Variants in EXOSC2 observed in about 807,000 individuals in gnomAD.
The protein encoded by EXOSC2 is exosome component 2.
In EXOSC2, 29 loss-of-function variants were observed where a neutral mutation model predicts 37.6. The ratio of observed to expected loss-of-function variants is 0.77; its 90% CI spans 0.57 to 1.05. The LOEUF (loss-of-function observed/expected upper bound fraction) is 1.05. Ranked by LOEUF, EXOSC2 falls within the 50% of genes least tolerant of loss-of-function variation. The pLI, the probability that EXOSC2 is intolerant of heterozygous loss-of-function variation, is 0.00. For missense variants in EXOSC2, 346 were observed against 365.6 expected, an observed-to-expected ratio of 0.95 and a Z score of 0.44; for synonymous variants, 119 against 131.1, an observed-to-expected ratio of 0.91 and a Z score of 0.63.
At chr9:130,700,743 T>G (rs1831197835) in intron 5 of EXOSC2, 124 bp from the exon 6 acceptor site, 2 of 761,400 alleles carry the variant, frequency 2.6e-6, no homozygotes, top group Non-Finnish European at 4.5e-6. Flanking sequence ...GGTCAAAGAT[T>G]GTTGAGCCTG....
rs778808279 is a variant in EXOSC2 at position 130,693,917 on chromosome 9, C to T, written c.122+4C>T. The T allele has an allele frequency of 8.5e-5, 136 of 1,598,514 alleles. No homozygotes were observed. In the South Asian group the frequency reaches 1.4e-3, roughly 17 times the overall value. Reference sequence around the variant, plus strand: ...CTACGGACACAGGATTCATGCGGTACGTGGGGACTTGGGGGAGTCGAGGCT... The same window carrying T: ...CTACGGACACAGGATTCATGCGGTATGTGGGGACTTGGGGGAGTCGAGGCT... On this transcript the variant is annotated splice_donor_region_variant and intron_variant, in intron 1 of 8. Coordinates refer to ENST00000372358, the MANE Select transcript of EXOSC2 (RefSeq NM_014285.7).
chr9:130,700,687 T>C lies in EXOSC2; in HGVS notation c.427-180T>C, dbSNP rs565246390. ...TGTCTGTATTTTTAAAAAAAAGATA[T>C]TCATGACAACCAAGGGGAGAGGTAA... On this transcript the variant is annotated intron_variant, in intron 5 of 8. Coordinates refer to ENST00000372358, the MANE Select transcript of EXOSC2 (RefSeq NM_014285.7). Among the ~76,000 whole-genome samples, 6 of 152,086 alleles carry C rather than the reference T, an allele frequency of 3.9e-5. No homozygotes were observed. The South Asian group carries it at 1.2e-3, about 32-fold the overall frequency.
chr9:130,699,993 C>G (rs999737276), intron 5 of EXOSC2, among the ~76,000 whole-genome samples: 1 of 152,078 alleles, frequency 6.6e-6, no homozygotes, highest in Non-Finnish European at 1.5e-5. Context: ...GGTGACAGAA[C>G]AAGACTCTGT....
In EXOSC2 at chr9:130,703,885, TTGACGGCCCTG is replaced by T. The variant is rs1831272072; in HGVS notation, c.*120_*130del. On this transcript the variant is annotated 3_prime_UTR_variant, in exon 9 of 9. Transcript: ENST00000372358. ...TCGAGAGATCATCCCTTTGTCTGCA[TTGACGGCCCTG>T]TGACGGCCTCCAGCCCACAGGCCTG... is the stretch of plus-strand genomic sequence containing the variant. The T allele has an allele frequency of 2.3e-6, 2 of 874,172 alleles. No individual in the cohort carries two copies. The highest frequency in any genetic ancestry group is 1.8e-6 in the Non-Finnish European group (1 of 570,398). 54.2% of individuals were successfully genotyped at this position (874,172 alleles called of 1,614,324 possible).
At chr9:130,702,668 C>G (rs1481730575) in intron 7 of EXOSC2, among the ~76,000 whole-genome samples, 1 of 152,128 alleles carries the variant, frequency 6.6e-6, no homozygotes, top group Non-Finnish European at 1.5e-5. Flanking sequence ...CATCTCGGCT[C>G]ACTGCAAGCT....
intron 6 of EXOSC2, chr9:130,701,321 C>A (rs1322839289): frequency 2.7e-5 from 5 of 185,640 alleles, no homozygotes; most frequent in Non-Finnish European, 4.5e-5. Flanking sequence ...CTTAGACAAA[C>A]GTCCAATCAG....
intron 6 of EXOSC2, 152 bp downstream of exon 6, chr9:130,701,087 C>T (rs371719854): frequency 1.3e-5 from 9 of 687,518 alleles, no homozygotes; most frequent in Middle Eastern, 2.5e-4. Flanking sequence ...GTTCCTTAAA[C>T]GTAACATCAG....
At position 130,697,636 on chromosome 9, in the gene EXOSC2, G is replaced by A. The variant is rs368161060; in HGVS notation, c.270+9G>A. ...TGGGACGAATCACAGAGGTAACGTC[G>A]ATATCAGATTGGTGTTTACAAAGTC... On this transcript the variant is annotated intron_variant, in intron 3 of 8. Transcript: ENST00000372358. 3.8e-5 allele frequency: 61 copies of A among 1,613,540 alleles called. No homozygotes were observed. In the African/African-American group the frequency reaches 6.1e-4, roughly 16 times the overall value.
At chr9:130,695,447 C>T (rs373490705) in intron 1 of EXOSC2, 45 bp from the exon 2 acceptor site, 63 of 1,533,876 alleles carry the variant, frequency 4.1e-5, no homozygotes, top group Non-Finnish European at 2.1e-5. Flanking sequence ...GAAGTCATTT[C>T]GAGTTACCCT....
At chr9:130,699,295 G>A in intron 4 of EXOSC2, 34 bp from the exon 5 acceptor site, 1 of 1,608,190 alleles carries the variant, frequency 6.2e-7, no homozygotes, top group Non-Finnish European at 8.5e-7. Flanking sequence ...CTGAGGATCT[G>A]GCTTAAGTAA....
rs1316243690 is a variant in EXOSC2 at position 130,694,202 on chromosome 9, G to C, written c.122+289G>C. Among the ~76,000 whole-genome samples the C allele has an allele frequency of 1.3e-5, 2 of 152,092 alleles. No individual in the cohort carries two copies. Among genetic ancestry groups the C allele is most frequent in the African/African-American group, 4.8e-5 (2 of 41,408 alleles). On this transcript the variant is annotated intron_variant, in intron 1 of 8. Coordinates refer to ENST00000372358, the MANE Select transcript of EXOSC2 (RefSeq NM_014285.7). The surrounding 1 kb of genome is among the most constrained non-coding windows in gnomAD (Gnocchi z 4.0). ...CCAAATCTTTGATCCTTCCTTGTGG[G>C]AGACCTGGAAAGCTGGGGAGGGTTA...
At position 130,703,685 on chromosome 9, in the gene EXOSC2, CT is replaced by C. The variant is rs1307441706; in HGVS notation, c.802-4del. 6.2e-6 allele frequency: 10 copies of C among 1,611,478 alleles called. 1 individual carries two copies. Among genetic ancestry groups the C allele is most frequent in the Non-Finnish European group, 7.6e-6 (9 of 1,178,544 alleles). On this transcript the variant is annotated splice_region_variant and splice_polypyrimidine_tract_variant and intron_variant, in intron 8 of 8. Transcript: ENST00000372358. Reference sequence around the variant, plus strand: ...TCTTTTCTGAACAAATGCCTTTTCCCTTTTTCAGATCAAAGACATCTTAAAG... The same window carrying C: ...TCTTTTCTGAACAAATGCCTTTTCCCTTTTCAGATCAAAGACATCTTAAAG...
chr9:130,695,995 G>A (rs1831086928), intron 2 of EXOSC2, among the ~76,000 whole-genome samples: 1 of 151,768 alleles, frequency 6.6e-6, no homozygotes, highest in Non-Finnish European at 1.5e-5. Context: ...CGAGTAGCTG[G>A]GATTACAGGC....
Position 130,702,257 on chromosome 9 carries a change from C to T in EXOSC2, c.619C>T (p.Pro207Ser). 2 of 1,614,040 alleles carry T rather than the reference C, an allele frequency of 1.2e-6. No homozygotes were observed. The highest frequency in any genetic ancestry group is 2.7e-5 in the African/African-American group (2 of 75,002). Reference protein sequence around the residue: ...LGNNGFIWIYPTPEHKEEEAG... With the variant: ...LGNNGFIWIYSTPEHKEEEAG... ...TAACAACGGCTTCATCTGGATTTAC[C>T]CAACACCTGAGCACAAAGAAGAGGA... The change falls in exon 7 of 9, where the codon CCA (proline) becomes TCA (serine). Residue 207 changes from proline to serine, a missense_variant. Coordinates refer to ENST00000372358, the MANE Select transcript of EXOSC2 (RefSeq NM_014285.7).
chr9:130,699,711 T>C, intron 5 of EXOSC2: 1 of 298,604 alleles, frequency 3.3e-6, no homozygotes, highest in Non-Finnish European at 6.4e-6. Context: ...CGTCAAGATA[T>C]TAATGACAGG....
At chr9:130,703,542 T>C in intron 8 of EXOSC2, 152 bp from the exon 9 acceptor site, 1 of 636,842 alleles carries the variant, frequency 1.6e-6, no homozygotes, top group East Asian at 2.6e-5. Context: ...ATTAGGCTGC[T>C]TCTAGCAGAT....
At chr9:130,700,540 G>A (rs1831193582) in intron 5 of EXOSC2, among the ~76,000 whole-genome samples, 1 of 150,386 alleles carries the variant, frequency 6.6e-6, no homozygotes, top group Admixed American at 6.6e-5. Flanking sequence ...TGTACTTTTA[G>A]TAGAGACGGG....
intron 6 of EXOSC2, chr9:130,701,683 C>G: frequency 1.1e-6 from 1 of 907,462 alleles, no homozygotes; most frequent in Non-Finnish European, 1.3e-6. Context: ...CAGGACCAGA[C>G]ATGGATTTGC....
intron 4 of EXOSC2, 73 bp from the exon 5 acceptor site, chr9:130,699,256 G>C (rs560974430): frequency 6.8e-7 from 1 of 1,468,954 alleles, no homozygotes; most frequent in Non-Finnish European, 9.5e-7. Flanking sequence ...ATCTCAAAAG[G>C]AAGTGAAAGA....
Sources: gnomAD v4.1 joint callset for allele counts (sites outside exome capture counted in the v4.1 genomes callset) on GRCh38, gnomAD v4.1.1 for gene constraint, Gnocchi (gnomAD v3.1) non-coding constraint, MANE v1.5 for transcripts, NCBI Gene and HGNC (gene_info 2026-07-23, HGNC 2026-07-21) for gene names.